The following AGBL4 variants were observed in gnomAD, a reference collection of about 807,000 sequenced individuals.
The protein encoded by AGBL4 is cytosolic carboxypeptidase 6.
Under a neutral mutation model 66.4 loss-of-function variants are expected in AGBL4, and 58 were observed. The ratio of observed to expected loss-of-function variants is 0.87; its 90% CI spans 0.71 to 1.09. The LOEUF (loss-of-function observed/expected upper bound fraction) is 1.09. Ranked by LOEUF, AGBL4 falls within the 50% of genes least tolerant of loss-of-function variation. The pLI, the probability that AGBL4 is intolerant of heterozygous loss-of-function variation, is 0.00. For missense variants in AGBL4, 579 were observed against 631.0 expected (o/e 0.92, Z 0.88); for synonymous variants, 234 against 222.9 (o/e 1.05, Z -0.44).
chr1:49,401,189 C>G (rs1255329549), intron 3 of AGBL4, among the ~76,000 whole-genome samples: 2 of 152,142 alleles, frequency 1.3e-5, no homozygotes, highest in African/African-American at 4.8e-5. Flanking sequence ...GCAGGAGGCA[C>G]CTCTTCACAG....
chr1:48,732,525 A>C (rs1648305857), intron 6 of AGBL4, among the ~76,000 whole-genome samples: 1 of 150,860 alleles, frequency 6.6e-6, no homozygotes, highest in African/African-American at 2.5e-5. Flanking sequence ...GAGTAGGGTG[A>C]TGTGACAGAC....
chr1:49,239,775 T>C (rs1024178980), intron 4 of AGBL4, among the ~76,000 whole-genome samples: 15 of 152,200 alleles, frequency 9.9e-5, no homozygotes, highest in Admixed American at 1.3e-4. Context: ...TATAGAAGTG[T>C]ATAGAAATGA....
intron 3 of AGBL4, among the ~76,000 whole-genome samples, chr1:49,685,284 A>AT (rs1430929220): frequency 6.6e-6 from 1 of 151,876 alleles, no homozygotes; most frequent in African/African-American, 2.4e-5. Context: ...TCAATCCACA[A>AT]TTTTTTTCAG....
At chr1:49,593,179 C>T (rs575363580) in intron 3 of AGBL4, among the ~76,000 whole-genome samples, 7 of 152,156 alleles carry the variant, frequency 4.6e-5, no homozygotes, top group East Asian at 1.9e-4. Flanking sequence ...GAGGCCAAGG[C>T]GGGTGGATCA....
At chr1:48,814,108 G>A (rs1265103170) in intron 6 of AGBL4, among the ~76,000 whole-genome samples, 1 of 152,058 alleles carries the variant, frequency 6.6e-6, no homozygotes, top group African/African-American at 2.4e-5. Flanking sequence ...AACACCTTCA[G>A]CAATATTGCT....
At chr1:48,608,771 T>C (rs1465723395) in intron 9 of AGBL4, among the ~76,000 whole-genome samples, 7 of 152,076 alleles carry the variant, frequency 4.6e-5, no homozygotes. Flanking sequence ...ACTCCCTCTT[T>C]CACCAGATAT....
chr1:49,962,527 A>T (rs1657203577), intron 1 of AGBL4, among the ~76,000 whole-genome samples: 1 of 152,160 alleles, frequency 6.6e-6, no homozygotes, highest in Admixed American at 6.6e-5. Flanking sequence ...AGGGAATCTT[A>T]TATTGTACCT....
chr1:49,283,799 C>T (rs1321160673), intron 3 of AGBL4, among the ~76,000 whole-genome samples: 23 of 145,800 alleles, frequency 1.6e-4, no homozygotes, highest in Admixed American at 2.1e-4. Flanking sequence ...TGAAATGAAG[C>T]GAGAAGGGAA....
chr1:48,969,439 A>G (rs1388150024), intron 5 of AGBL4, among the ~76,000 whole-genome samples: 1 of 152,170 alleles, frequency 6.6e-6, no homozygotes, highest in Non-Finnish European at 1.5e-5. Flanking sequence ...TTGCAAAAAT[A>G]TAGCTATGAA....
chr1:49,784,777 A>T (rs947003796), intron 2 of AGBL4, among the ~76,000 whole-genome samples: 2 of 152,052 alleles, frequency 1.3e-5, no homozygotes. Context: ...AGTTAATAAT[A>T]AAAAGATAAA....
chr1:49,954,399 A>G (rs1324108794), intron 1 of AGBL4, among the ~76,000 whole-genome samples: 9 of 151,954 alleles, frequency 5.9e-5, no homozygotes, highest in Non-Finnish European at 1.5e-5. Context: ...TTATCATGGG[A>G]GCAGGCTCCT....
chr1:49,653,985 T>C (rs953533864), intron 3 of AGBL4, among the ~76,000 whole-genome samples: 3 of 151,996 alleles, frequency 2.0e-5, no homozygotes, highest in African/African-American at 2.4e-5. Flanking sequence ...CCCAGTAAAG[T>C]ACTCCATGAG....
At chr1:49,002,480 C>A (rs1218792733) in intron 5 of AGBL4, among the ~76,000 whole-genome samples, 1 of 152,212 alleles carries the variant, frequency 6.6e-6, no homozygotes, top group African/African-American at 2.4e-5. Flanking sequence ...CAAACATTCT[C>A]TGTACCTTCA....
intron 2 of AGBL4, among the ~76,000 whole-genome samples, chr1:49,825,578 G>A (rs1645488014): frequency 6.6e-6 from 1 of 152,166 alleles, no homozygotes; most frequent in Admixed American, 6.5e-5. Flanking sequence ...CTCTGTGATG[G>A]TGTTTTTGGA....
At chr1:49,867,833 A>C (rs951566119) in intron 1 of AGBL4, among the ~76,000 whole-genome samples, 7 of 152,086 alleles carry the variant, frequency 4.6e-5, no homozygotes, top group African/African-American at 1.4e-4. Context: ...AAAATAACCA[A>C]CTATCATCAT....
At chr1:49,878,036 T>C (rs1213975194) in intron 1 of AGBL4, among the ~76,000 whole-genome samples, 1 of 152,050 alleles carries the variant, frequency 6.6e-6, no homozygotes, top group Non-Finnish European at 1.5e-5. Context: ...TGTGTCTCTT[T>C]GATTCTTCTC....
intron 8 of AGBL4, among the ~76,000 whole-genome samples, chr1:48,651,541 ACT>A (rs1309867566): frequency 6.6e-6 from 1 of 152,150 alleles, no homozygotes; most frequent in African/African-American, 2.4e-5. Context: ...CTAACAGTAC[ACT>A]CTGTCCATGG....
intron 3 of AGBL4, among the ~76,000 whole-genome samples, chr1:49,541,582 C>T (rs976640527): frequency 6.6e-6 from 1 of 152,306 alleles, no homozygotes; most frequent in South Asian, 2.1e-4. Context: ...GGGCAGGGCT[C>T]GGGACCTGCA....
At chr1:49,475,362 T>A (rs760694598) in intron 3 of AGBL4, among the ~76,000 whole-genome samples, 1 of 152,044 alleles carries the variant, frequency 6.6e-6, no homozygotes, top group Non-Finnish European at 1.5e-5. Flanking sequence ...GACTTTTGTG[T>A]CTATGTTCAT....
Sources: allele counts gnomAD v4.1 joint callset (sites outside exome capture counted in the v4.1 genomes callset), GRCh38; gene constraint gnomAD v4.1.1; transcripts MANE v1.5; gene names NCBI Gene and HGNC (gene_info 2026-07-23, HGNC 2026-07-21).